Variants in NYAP2 observed in about 807,000 individuals in gnomAD.
NYAP2 encodes neuronal tyrosine-phosphorylated phosphoinositide-3-kinase adaptor 2.
In NYAP2, 23 loss-of-function variants were observed where a neutral mutation model predicts 50.4. That is an observed-to-expected ratio of 0.46 (90% CI 0.33 to 0.65). The LOEUF is 0.65. Ranked by LOEUF, NYAP2 falls within the 30% of genes least tolerant of loss-of-function variation. NYAP2 has a pLI of 0.02. For missense variants in NYAP2, 885 were observed against 861.0 expected, an observed-to-expected ratio of 1.03 and a Z score of -0.35; for synonymous variants, 394 against 365.2, an observed-to-expected ratio of 1.08 and a Z score of -0.90.
the NYAP2 span, among the ~76,000 whole-genome samples, chr2:225,688,169 C>T: frequency 6.6e-6 from 1 of 152,284 alleles, no homozygotes; most frequent in African/African-American, 2.4e-5. Flanking sequence ...GAGACGTTCT[C>T]AGTCATTGAA....
At chr2:225,620,483 G>A (rs923045251) in intron 5 of NYAP2, among the ~76,000 whole-genome samples, 4 of 147,828 alleles carry the variant, frequency 2.7e-5, no homozygotes, top group African/African-American at 5.0e-5. Flanking sequence ...GCACACGCAC[G>A]CACGCACACA....
intron 4 of NYAP2, among the ~76,000 whole-genome samples, chr2:225,563,878 A>C (rs1384370015): frequency 6.6e-6 from 1 of 151,996 alleles, no homozygotes; most frequent in Non-Finnish European, 1.5e-5. Flanking sequence ...CCTGACTTTG[A>C]GTTAGATGTT....
intron 3 of NYAP2, among the ~76,000 whole-genome samples, chr2:225,464,750 G>T (rs1410682830): frequency 1.3e-5 from 2 of 152,232 alleles, no homozygotes; most frequent in Non-Finnish European, 2.9e-5. Flanking sequence ...ACCCATAGGT[G>T]GTTTGGTGGG....
chr2:225,508,400 G>T (rs966444507), intron 3 of NYAP2, among the ~76,000 whole-genome samples: 1 of 152,134 alleles, frequency 6.6e-6, no homozygotes, highest in Non-Finnish European at 1.5e-5. Context: ...TCCATTTGTC[G>T]TGATGCCTTC....
At chr2:225,576,378 A>G (rs1459620716) in intron 4 of NYAP2, among the ~76,000 whole-genome samples, 1 of 152,210 alleles carries the variant, frequency 6.6e-6, no homozygotes. Context: ...AAACAGACTA[A>G]GGCCATTTGC....
intron 3 of NYAP2, among the ~76,000 whole-genome samples, chr2:225,433,917 T>C (rs1197244297): frequency 6.6e-6 from 1 of 151,878 alleles, no homozygotes; most frequent in Non-Finnish European, 1.5e-5. Flanking sequence ...ATATCAGTAT[T>C]TAGGGGATGT....
At chr2:225,529,248 A>G (rs1471457842) in intron 4 of NYAP2, among the ~76,000 whole-genome samples, 1 of 152,124 alleles carries the variant, frequency 6.6e-6, no homozygotes, top group Non-Finnish European at 1.5e-5. Flanking sequence ...TAAGACCTAA[A>G]GGAAATCGAT....
At chr2:225,533,231 T>A (rs1165943723) in intron 4 of NYAP2, among the ~76,000 whole-genome samples, 1 of 152,232 alleles carries the variant, frequency 6.6e-6, no homozygotes, top group Admixed American at 6.5e-5. Context: ...AAAATGCTCT[T>A]ATGTCTCCAA....
intron 4 of NYAP2, among the ~76,000 whole-genome samples, chr2:225,527,512 TA>T (rs1691173691): frequency 6.6e-6 from 1 of 152,208 alleles, no homozygotes; most frequent in African/African-American, 2.4e-5. Context: ...TTTATGCTGT[TA>T]TAGAACATGC....
intron 6 of NYAP2, among the ~76,000 whole-genome samples, chr2:225,646,776 G>C (rs1333607431): frequency 6.6e-6 from 1 of 152,176 alleles, no homozygotes; most frequent in African/African-American, 2.4e-5. Context: ...TTGGCTAGTA[G>C]TTTAATTTGC....
At chr2:225,440,825 C>A (rs1689457823) in intron 3 of NYAP2, among the ~76,000 whole-genome samples, 1 of 152,110 alleles carries the variant, frequency 6.6e-6, no homozygotes, top group African/African-American at 2.4e-5. Context: ...ATAAGTTTGC[C>A]TAGAATTTTG....
At chr2:225,650,817 A>C (rs1378240037) in intron 6 of NYAP2, among the ~76,000 whole-genome samples, 2 of 152,210 alleles carry the variant, frequency 1.3e-5, no homozygotes, top group African/African-American at 2.4e-5. Flanking sequence ...TGTAATCTCT[A>C]AAGCATCCTG....
At chr2:225,414,227 G>GA (rs917332916) in intron 3 of NYAP2, among the ~76,000 whole-genome samples, 3 of 151,966 alleles carry the variant, frequency 2.0e-5, no homozygotes, top group Non-Finnish European at 4.4e-5. Flanking sequence ...CTGGCTGGGT[G>GA]AAAAAATATC....
rs372075791 is a variant in NYAP2, at chr2:225,604,405, T to C, written c.1618+21370T>C. On this transcript the variant is annotated intron_variant, in intron 5 of 6. Coordinates refer to ENST00000636099, the Ensembl canonical transcript of NYAP2. ...CAGCTGGGGCTCAATAACTATTTGC[T>C]GGGCCTTAGAAATAATCATATTTAA... is the stretch of plus-strand genomic sequence containing the variant. 2.6e-5 allele frequency among the ~76,000 whole-genome samples: 4 copies of C among 152,264 alleles called. No individual in the cohort carries two copies. In the East Asian group the frequency reaches 7.7e-4, roughly 29 times the overall value.
At chr2:225,503,027 T>A (rs1690634405) in intron 3 of NYAP2, among the ~76,000 whole-genome samples, 1 of 152,190 alleles carries the variant, frequency 6.6e-6, no homozygotes, top group Admixed American at 6.6e-5. Context: ...TAAACTGGCA[T>A]TAAGTTAAGG....
At chr2:225,401,254 C>A (rs1365802273) in intron 2 of NYAP2, among the ~76,000 whole-genome samples, 1 of 152,030 alleles carries the variant, frequency 6.6e-6, no homozygotes, top group African/African-American at 2.4e-5. Context: ...CCCTTACCCA[C>A]TTAGTTACAT....
At chr2:225,684,363 A>C in the NYAP2 span, among the ~76,000 whole-genome samples, 1 of 151,392 alleles carries the variant, frequency 6.6e-6, no homozygotes, top group African/African-American at 2.4e-5. Context: ...GGGCAGAGAA[A>C]TCTCTGCTGC....
At chr2:225,525,851 T>C (rs1266442439) in intron 4 of NYAP2, among the ~76,000 whole-genome samples, 1 of 152,168 alleles carries the variant, frequency 6.6e-6, no homozygotes, top group Non-Finnish European at 1.5e-5. Flanking sequence ...GTATTCAAGA[T>C]TCCCCCACTC....
chr2:225,665,196 G>C, the NYAP2 span, among the ~76,000 whole-genome samples: 1 of 151,896 alleles, frequency 6.6e-6, no homozygotes, highest in Non-Finnish European at 1.5e-5. Context: ...GCTGAACTTT[G>C]CTCTTTTTTT....
Sources: allele counts gnomAD v4.1 joint callset (sites outside exome capture counted in the v4.1 genomes callset), GRCh38; gene constraint gnomAD v4.1.1; transcripts MANE v1.5; gene names NCBI Gene and HGNC (gene_info 2026-07-23, HGNC 2026-07-21).